Variants in PDZD9 observed in about 807,000 individuals in gnomAD.
The protein encoded by PDZD9 is PDZ domain-containing protein 9.
Under a neutral mutation model 16.3 loss-of-function variants are expected in PDZD9, and 13 were observed. The ratio of observed to expected loss-of-function variants is 0.80; its 90% CI spans 0.52 to 1.27. The LOEUF (loss-of-function observed/expected upper bound fraction) is 1.27, where lower values mean the gene tolerates loss of function less well. Ranked by LOEUF, PDZD9 falls within the 50% of genes most tolerant of loss-of-function variation. PDZD9 has a pLI of 0.00. For synonymous variants in PDZD9, 120 were observed against 111.0 expected, an observed-to-expected ratio of 1.08 and a Z score of -0.51; for missense variants, 288 against 310.9, an observed-to-expected ratio of 0.93 and a Z score of 0.55.
chr16:21,971,903 TA>T, the PDZD9 span: 1 of 1,613,006 alleles, frequency 6.2e-7, no homozygotes, highest in Non-Finnish European at 8.5e-7. Context: ...TTCTTCCCTC[TA>T]TCCTTAATCT....
At chr16:21,992,641 C>G (rs984976317) in intron 2 of PDZD9, among the ~76,000 whole-genome samples, 16 of 152,176 alleles carry the variant, frequency 1.1e-4, no homozygotes, top group African/African-American at 3.6e-4. Context: ...ACATCAGACT[C>G]AAGTTCTTTG....
At chr16:22,000,876 A>AATG (rs1421051315) in intron 1 of PDZD9, 141 bp downstream of exon 1, 3 of 545,330 alleles carry the variant, frequency 5.5e-6, no homozygotes, top group Non-Finnish European at 9.2e-6. Flanking sequence ...TGATGATGAT[A>AATG]ATGATGATGA....
chr16:21,972,349 A>T, the PDZD9 span, among the ~76,000 whole-genome samples: 1 of 152,212 alleles, frequency 6.6e-6, no homozygotes, highest in Non-Finnish European at 1.5e-5. Context: ...AGAGGAATTG[A>T]ATGCTTAGAA....
the PDZD9 span, among the ~76,000 whole-genome samples, chr16:21,972,476 G>C: frequency 1.8e-4 from 28 of 152,120 alleles, no homozygotes; most frequent in Non-Finnish European, 3.7e-4. Flanking sequence ...CTGTTCTTTT[G>C]GTTACTTCCT....
intron 1 of PDZD9, among the ~76,000 whole-genome samples, chr16:21,997,446 G>A (rs1899179563): frequency 6.6e-6 from 1 of 152,194 alleles, no homozygotes; most frequent in African/African-American, 2.4e-5. Context: ...CAGGAGGAGC[G>A]AGGACCAACC....
chr16:21,996,433 T>C lies in PDZD9; in HGVS notation c.100A>G (p.Thr34Ala), dbSNP rs1384238047. 3.2e-5 allele frequency: 49 copies of C among 1,535,864 alleles called. No homozygotes were observed. The highest frequency in any genetic ancestry group is 4.2e-5 in the Non-Finnish European group (48 of 1,146,768). Residue 34 changes from threonine (T) to alanine (A), a missense_variant, in exon 2 of 4, where the codon ACT becomes GCT. By Grantham distance (58) the Thr-to-Ala change is moderately conservative. Coordinates refer to ENST00000424898, the MANE Select transcript of PDZD9 (RefSeq NM_001363519.1). ...NLSKTQQTKL[T>A]VGSLGLGLII... is the part of the protein sequence containing the mutation. ...AGGCCTAATCCCAGGCTACCCACAG[T>C]GAGTTTGGTCTGCTGTGTTTTGCTC...
At chr16:21,988,003 C>CTT (rs773101505) in intron 3 of PDZD9, among the ~76,000 whole-genome samples, 3,354 of 100,418 alleles carry the variant, frequency 0.033, 148 homozygotes, top group South Asian at 0.046. Flanking sequence ...GCAAGAAGCA[C>CTT]TTTTTTTTTT....
the PDZD9 span, chr16:21,962,915 C>T: frequency 1.3e-6 from 2 of 1,596,292 alleles, no homozygotes; most frequent in African/African-American, 1.3e-5. Flanking sequence ...ACATTTGATT[C>T]TAAGATACTG....
the PDZD9 span, chr16:21,962,529 G>T: frequency 6.2e-7 from 1 of 1,614,156 alleles, no homozygotes. Flanking sequence ...AAGTACCTGT[G>T]TGTGTTTAGG....
At chr16:21,985,612 T>C (rs185942543) in intron 3 of PDZD9, among the ~76,000 whole-genome samples, 1 of 152,316 alleles carries the variant, frequency 6.6e-6, no homozygotes, top group Admixed American at 6.5e-5. Flanking sequence ...GTCACCTGCT[T>C]TCCCTCATCC....
At chr16:21,958,236 G>A in the PDZD9 span, among the ~76,000 whole-genome samples, 4 of 152,102 alleles carry the variant, frequency 2.6e-5, no homozygotes, top group African/African-American at 9.7e-5. Context: ...TTAACAGGAA[G>A]TGCCGCAAAT....
chr16:21,960,683 G>C, the PDZD9 span, among the ~76,000 whole-genome samples: 2 of 152,042 alleles, frequency 1.3e-5, no homozygotes, highest in African/African-American at 4.8e-5. Context: ...CCTTTCACTT[G>C]TATACTTAGG....
chr16:21,972,382 T>C, the PDZD9 span, among the ~76,000 whole-genome samples: 1 of 152,322 alleles, frequency 6.6e-6, no homozygotes, highest in African/African-American at 2.4e-5. Flanking sequence ...CACACATCCG[T>C]TCCCTTTAGA....
chr16:21,999,394 C>T, intron 1 of PDZD9: 1 of 179,128 alleles, frequency 5.6e-6, no homozygotes, highest in Non-Finnish European at 1.2e-5. Context: ...GTGGAGGAGG[C>T]AGCACTATGG....
chr16:21,975,295 G>A, the PDZD9 span, among the ~76,000 whole-genome samples: 16 of 152,276 alleles, frequency 1.1e-4, no homozygotes, highest in African/African-American at 3.4e-4. Context: ...ACAAGTCAAG[G>A]AACTAGAGAT....
downstream of PDZD9, chr16:21,983,506 T>C (rs1898788002): frequency 3.0e-6 from 1 of 330,076 alleles, no homozygotes; most frequent in Non-Finnish European, 5.4e-6. Context: ...TCGGGGTAAA[T>C]AGTGCCAGAT....
the PDZD9 span, chr16:21,962,962 T>A: frequency 2.0e-6 from 3 of 1,494,600 alleles, no homozygotes; most frequent in East Asian, 7.1e-5. Context: ...AGAAAAAAAA[T>A]TGCTGTCAAA....
the PDZD9 span, chr16:21,959,653 C>T: frequency 6.6e-6 from 1 of 152,250 alleles, no homozygotes; most frequent in African/African-American, 2.4e-5. Flanking sequence ...ATGGTGAATT[C>T]TTTCCAGAAA....
At chr16:21,977,525 C>G in the PDZD9 span, among the ~76,000 whole-genome samples, 6 of 152,064 alleles carry the variant, frequency 3.9e-5, no homozygotes, top group Non-Finnish European at 8.8e-5. Context: ...GACTAAAATA[C>G]TTGTCTGCTA....
Sources: gnomAD v4.1 joint callset for allele counts (sites outside exome capture counted in the v4.1 genomes callset) on GRCh38, gnomAD v4.1.1 for gene constraint, MANE v1.5 for transcripts, NCBI Gene and HGNC (gene_info 2026-07-23, HGNC 2026-07-21) for gene names.